Variants in PCDHA1 observed in about 807,000 individuals in gnomAD.
The protein encoded by PCDHA1 is protocadherin alpha 1, also known as protocadherin alpha-1.
In PCDHA1, 42 loss-of-function variants were observed where a neutral mutation model predicts 61.3. The ratio of observed to expected loss-of-function variants is 0.69; its 90% confidence interval spans 0.54 to 0.89. PCDHA1 has a LOEUF of 0.89. Ranked by LOEUF, PCDHA1 falls within the 40% of genes least tolerant of loss-of-function variation. The pLI is 0.00. For synonymous variants in PCDHA1, 610 were observed against 553.8 expected, an observed-to-expected ratio of 1.10 and a Z score of -1.43; for missense variants, 1,256 against 1,235.3, an observed-to-expected ratio of 1.02 and a Z score of -0.25.
At chr5:140,968,455 G>C in intron 1 of PCDHA1, 2 of 1,614,084 alleles carry the variant, frequency 1.2e-6, no homozygotes, top group Non-Finnish European at 1.7e-6. Context: ...GCAGCACTGT[G>C]ACTGCCAACG....
intron 1 of PCDHA1, among the ~76,000 whole-genome samples, chr5:140,920,858 A>G (rs1182817298): frequency 6.6e-6 from 1 of 151,604 alleles, no homozygotes; most frequent in Non-Finnish European, 1.5e-5. Flanking sequence ...AAAAAAAAAA[A>G]CAAACAAACT....
intron 1 of PCDHA1, chr5:140,841,917 C>T (rs1777584856): frequency 1.2e-6 from 2 of 1,613,834 alleles, no homozygotes; most frequent in Admixed American, 1.7e-5. Context: ...TTAAGAAAAT[C>T]CTTGGACAGA....
chr5:140,901,146 C>A (rs1463079898), intron 1 of PCDHA1, among the ~76,000 whole-genome samples: 1 of 152,180 alleles, frequency 6.6e-6, no homozygotes, highest in African/African-American at 2.4e-5. Flanking sequence ...AATATTTTCT[C>A]TCAATCTGTG....
chr5:140,963,543 T>C (rs1390082859), intron 1 of PCDHA1, among the ~76,000 whole-genome samples: 2 of 152,238 alleles, frequency 1.3e-5, no homozygotes, highest in East Asian at 1.9e-4. Flanking sequence ...TACTTCATGA[T>C]ATAAAAAGGG....
chr5:140,882,997 C>T, intron 1 of PCDHA1: 1 of 1,614,062 alleles, frequency 6.2e-7, no homozygotes, highest in East Asian at 2.2e-5. Context: ...CGGAATTTTA[C>T]CAATCCGTTT....
chr5:140,801,518 G>A (rs1554121524), intron 1 of PCDHA1: 1 of 1,614,096 alleles, frequency 6.2e-7, no homozygotes, highest in Non-Finnish European at 8.5e-7. Context: ...TCCACCTGGA[G>A]GTGATCGTGG....
chr5:140,870,428 T>C, intron 1 of PCDHA1: 3 of 1,614,126 alleles, frequency 1.9e-6, no homozygotes, highest in Non-Finnish European at 2.5e-6. Flanking sequence ...AGGGTATCCG[T>C]GGAGGTGGCC....
intron 1 of PCDHA1, chr5:140,823,612 G>A (rs2150127408): frequency 1.3e-5 from 21 of 1,614,042 alleles, no homozygotes; most frequent in Middle Eastern, 1.7e-4. Context: ...GCTGCAGCCA[G>A]CGCCTGGCAG....
At chr5:140,841,587 G>C in intron 1 of PCDHA1, 1 of 1,614,074 alleles carries the variant, frequency 6.2e-7, no homozygotes, top group Non-Finnish European at 8.5e-7. Context: ...GTGAATTCTC[G>C]GATCGACCGC....
chr5:140,985,226 C>T (rs1319001576), intron 3 of PCDHA1, among the ~76,000 whole-genome samples: 6 of 152,126 alleles, frequency 3.9e-5, no homozygotes, highest in Admixed American at 6.5e-5. Flanking sequence ...CGTGAGCCAC[C>T]GCGCCTGGCC....
In PCDHA1 at chr5:140,842,642, T is replaced by G. The variant is rs1554139236; in HGVS notation, c.2394+53958T>G. Reference sequence around the variant, plus strand: ...GCCTTCGCTGTGGGCCACCGCCAGCTTGTCTGTGGAGGTGGCCGACGTGAA... The same window carrying G: ...GCCTTCGCTGTGGGCCACCGCCAGCGTGTCTGTGGAGGTGGCCGACGTGAA... On this transcript the variant is annotated intron_variant, in intron 1 of 3. Transcript: ENST00000504120. 4.4e-6 allele frequency: 7 copies of G among 1,594,996 alleles called. 1 individual carries two copies. The Admixed American group carries it at 5.1e-5, about 12-fold the overall frequency.
In PCDHA1 at chr5:140,786,742, G is replaced by T. The variant is rs1446677911; in HGVS notation, c.452G>T (p.Arg151Leu). Residue 151 changes from arginine to leucine, a missense_variant, in exon 1 of 4, where the codon CGT becomes CTT. Coordinates refer to ENST00000504120, the MANE Select transcript of PCDHA1 (RefSeq NM_018900.4). ...CCTGAATCTAGACTCCTGAATTCGC[G>T]TTTTCCGATAGAAGGAGCTGCTGAT... ...FIPESRLLNS[R>L]FPIEGAADAD... 1 of 1,614,206 alleles carries T rather than the reference G, an allele frequency of 6.2e-7. No homozygotes were observed. Among genetic ancestry groups the T allele is most frequent in the Admixed American group, 1.7e-5 (1 of 60,030 alleles).
At chr5:140,836,085 C>T in intron 1 of PCDHA1, 1 of 1,613,676 alleles carries the variant, frequency 6.2e-7, no homozygotes, top group South Asian at 1.1e-5. Flanking sequence ...ACTGCTGGCG[C>T]CTCGGGTGGG....
chr5:140,868,653 G>T (rs897751330), intron 1 of PCDHA1: 1 of 162,858 alleles, frequency 6.1e-6, no homozygotes, highest in African/African-American at 2.4e-5. Flanking sequence ...CTGTGTATAA[G>T]TATTTTAGAT....
intron 1 of PCDHA1, among the ~76,000 whole-genome samples, chr5:140,955,134 C>T (rs868995724): frequency 3.3e-5 from 5 of 152,022 alleles, no homozygotes; most frequent in African/African-American, 1.2e-4. Context: ...CTGGTCTACA[C>T]GTCTGTTTTT....
chr5:140,877,396 G>T (rs781989521), intron 1 of PCDHA1: 43 of 1,613,834 alleles, frequency 2.7e-5, no homozygotes, highest in South Asian at 1.8e-4. Context: ...TGAGGCGGAC[G>T]CTCCGCGCCA....
intron 1 of PCDHA1, chr5:140,860,531 T>C (rs1488177116): frequency 1.3e-5 from 2 of 152,156 alleles, no homozygotes; most frequent in Non-Finnish European, 2.9e-5. Flanking sequence ...AATTCTGATT[T>C]GTAAGACAAA....
intron 1 of PCDHA1, chr5:140,928,467 A>G (rs782319281): frequency 6.2e-7 from 1 of 1,614,142 alleles, no homozygotes; most frequent in South Asian, 1.1e-5. Flanking sequence ...ATTTCCAAGT[A>G]GAAGGCCGGG....
chr5:140,984,426 G>A (rs781888913), intron 3 of PCDHA1, among the ~76,000 whole-genome samples: 2 of 152,160 alleles, frequency 1.3e-5, no homozygotes, highest in South Asian at 2.1e-4. Flanking sequence ...AGATAGAGAA[G>A]GGGATCTCCC....
Sources: gnomAD v4.1 joint callset for allele counts (sites outside exome capture counted in the v4.1 genomes callset) on GRCh38, gnomAD v4.1.1 for gene constraint, MANE v1.5 for transcripts, NCBI Gene and HGNC (gene_info 2026-07-23, HGNC 2026-07-21) for gene names.